Variants in FGF14 observed in about 807,000 individuals in gnomAD.
The protein encoded by FGF14 is fibroblast growth factor homologous factor 4.
A neutral mutation model predicts 25.5 loss-of-function variants in FGF14; 5 were observed. The observed-to-expected ratio is 0.20, with a 90% CI of 0.10 to 0.41. FGF14 has a LOEUF of 0.41. Among genes scored for constraint, FGF14 ranks in the 10% least tolerant of loss-of-function variants. The pLI is 1.00. For missense variants in FGF14, 222 were observed against 320.1 expected, an observed-to-expected ratio of 0.69 and a Z score of 2.34; for synonymous variants, 138 against 118.3, an observed-to-expected ratio of 1.17 and a Z score of -1.08.
In FGF14 at chr13:101,993,460, C is replaced by T. The variant is rs560725080; in HGVS notation, c.209-118164G>A. On this transcript the variant is annotated intron_variant, in intron 1 of 4. Coordinates refer to the FGF14 transcript ENST00000376131. ...ACATAAAATATGTTCTTTTTTTGTA[C>T]TTTAACAGATAACAGATTTTTCAAA... is the stretch of plus-strand genomic sequence containing the variant. Among the ~76,000 whole-genome samples the T allele has an allele frequency of 2.6e-5, 4 of 151,894 alleles. No homozygotes were observed. In the East Asian group the frequency reaches 7.8e-4, roughly 29 times the overall value.
intron 3 of FGF14, among the ~76,000 whole-genome samples, chr13:101,729,247 G>A (rs1203178791): frequency 6.6e-6 from 1 of 151,948 alleles, no homozygotes; most frequent in Non-Finnish European, 1.5e-5. Context: ...AATAATTAAT[G>A]CACACACAAA....
rs77067048 is a variant in FGF14 at position 102,228,774 on chromosome 13, C to T, written c.208+172697G>A. On this transcript the variant is annotated intron_variant, in intron 1 of 4. Transcript: ENST00000376131. ...TATCAGAATTTTTGTTTCAGTGATT[C>T]TAAAAGTGTGCTCTTAACAGTTCTG... Among the ~76,000 whole-genome samples, 2,052 of 152,242 alleles carry T rather than the reference C, an allele frequency of 0.013. 168 individuals are homozygous for T. In the East Asian group the frequency reaches 0.22, roughly 16 times the overall value.
At chr13:102,214,384 G>A (rs748516105) in intron 1 of FGF14, among the ~76,000 whole-genome samples, 60 of 152,036 alleles carry the variant, frequency 3.9e-4, no homozygotes, top group Non-Finnish European at 7.5e-4. Flanking sequence ...CATCATTTAA[G>A]ATTCAGAAGC....
At chr13:102,013,283 T>A (rs1206590951) in intron 1 of FGF14, among the ~76,000 whole-genome samples, 2 of 152,192 alleles carry the variant, frequency 1.3e-5, no homozygotes, top group Non-Finnish European at 2.9e-5. Context: ...CATGTAGTAT[T>A]TCCTGCTCAG....
At position 102,278,403 on chromosome 13, in the gene FGF14, T is replaced by C. The variant is rs549873766; in HGVS notation, c.208+123068A>G. ...GCTAAGCGCAAACAATACAGTGGTA[T>C]GTACTGACATCAGCCATAGCCATTC... On this transcript the variant is annotated intron_variant, in intron 1 of 4. Coordinates refer to the FGF14 transcript ENST00000376131. 3.3e-5 allele frequency among the ~76,000 whole-genome samples: 5 copies of C among 152,290 alleles called. No homozygotes were observed. In the South Asian group the frequency reaches 1.0e-3, roughly 32 times the overall value.
intron 1 of FGF14, among the ~76,000 whole-genome samples, chr13:101,987,524 G>T (rs2038655747): frequency 1.3e-5 from 2 of 151,930 alleles, no homozygotes; most frequent in African/African-American, 4.8e-5. Context: ...GCAAGTTTTA[G>T]CACTTAATTT....
At chr13:102,075,280 A>G (rs372103322) in intron 1 of FGF14, among the ~76,000 whole-genome samples, 1 of 152,252 alleles carries the variant, frequency 6.6e-6, no homozygotes, top group Admixed American at 6.5e-5. Context: ...CTAACTATGA[A>G]CTATCAGAAA....
chr13:101,902,878 T>C (rs1050402503), intron 1 of FGF14, among the ~76,000 whole-genome samples: 7 of 152,220 alleles, frequency 4.6e-5, no homozygotes, highest in Non-Finnish European at 8.8e-5. Flanking sequence ...TTTAGTTCTA[T>C]GTTTGAATAA....
intron 1 of FGF14, among the ~76,000 whole-genome samples, chr13:102,114,082 G>A (rs1259800874): frequency 6.6e-6 from 1 of 152,192 alleles, no homozygotes; most frequent in African/African-American, 2.4e-5. Flanking sequence ...CAAACTACAA[G>A]GGAAGGAGAG....
At chr13:102,363,777 T>C (rs1460582631) in intron 1 of FGF14, among the ~76,000 whole-genome samples, 1 of 152,158 alleles carries the variant, frequency 6.6e-6, no homozygotes, top group African/African-American at 2.4e-5. Flanking sequence ...TTTGATTGAT[T>C]TCTTCTCTAT....
At chr13:101,852,526 G>A (rs557261036) in intron 3 of FGF14, among the ~76,000 whole-genome samples, 5 of 152,196 alleles carry the variant, frequency 3.3e-5, no homozygotes, top group African/African-American at 1.2e-4. Context: ...CGTATGTGGG[G>A]CTGTCTGCAC....
chr13:102,164,744 G>A (rs1431262534), intron 1 of FGF14, among the ~76,000 whole-genome samples: 12 of 152,188 alleles, frequency 7.9e-5, no homozygotes, highest in Non-Finnish European at 1.8e-4. Flanking sequence ...TTCACCAGCT[G>A]TGTACAGCTA....
intron 1 of FGF14, among the ~76,000 whole-genome samples, chr13:101,888,223 A>G (rs369383899): frequency 6.6e-6 from 1 of 152,188 alleles, no homozygotes; most frequent in Admixed American, 6.6e-5. Flanking sequence ...CTTTTTCTCA[A>G]GAAGTGACCC....
intron 1 of FGF14, among the ~76,000 whole-genome samples, chr13:101,906,926 A>T (rs987331534): frequency 6.6e-6 from 1 of 152,164 alleles, no homozygotes; most frequent in Non-Finnish European, 1.5e-5. Flanking sequence ...TTCCACATAG[A>T]GAAAATGAAC....
intron 3 of FGF14, among the ~76,000 whole-genome samples, chr13:101,835,783 G>A (rs1371042113): frequency 6.6e-6 from 1 of 151,990 alleles, no homozygotes; most frequent in African/African-American, 2.4e-5. Context: ...GGGAATAAGT[G>A]GATGTGCCTC....
chr13:102,255,447 AGAT>A (rs1186682059), intron 1 of FGF14, among the ~76,000 whole-genome samples: 1 of 152,248 alleles, frequency 6.6e-6, no homozygotes, highest in African/African-American at 2.4e-5. Flanking sequence ...GAAATAAAGC[AGAT>A]GAGAGGGGGA....
At chr13:102,065,370 A>C (rs1037744817) in intron 1 of FGF14, among the ~76,000 whole-genome samples, 6 of 152,088 alleles carry the variant, frequency 3.9e-5, no homozygotes, top group African/African-American at 1.4e-4. Flanking sequence ...AATTCCAATA[A>C]CTTATTTCAA....
At chr13:102,152,180 T>C (rs1397680203) in intron 1 of FGF14, among the ~76,000 whole-genome samples, 1 of 152,210 alleles carries the variant, frequency 6.6e-6, no homozygotes, top group Non-Finnish European at 1.5e-5. Context: ...GGCTAATTTT[T>C]TGCTACTGAT....
chr13:102,146,080 C>G (rs1040996354), intron 1 of FGF14, among the ~76,000 whole-genome samples: 4 of 152,184 alleles, frequency 2.6e-5, no homozygotes, highest in Non-Finnish European at 5.9e-5. Flanking sequence ...ATTCTGCAAG[C>G]CTTGTTCTTG....
Sources: gnomAD v4.1 joint callset for allele counts (sites outside exome capture counted in the v4.1 genomes callset) on GRCh38, gnomAD v4.1.1 for gene constraint, MANE v1.5 for transcripts, NCBI Gene and HGNC (gene_info 2026-07-23, HGNC 2026-07-21) for gene names.